IQGAP3: variants seen among roughly 807,000 people sequenced by gnomAD.
IQGAP3 encodes ras GTPase-activating-like protein IQGAP3.
A neutral mutation model predicts 208.2 loss-of-function variants in IQGAP3; 165 were observed. That is an observed-to-expected ratio of 0.79 (90% CI 0.70 to 0.90). IQGAP3 has a LOEUF of 0.90. Ranked by LOEUF, IQGAP3 falls within the 40% of genes least tolerant of loss-of-function variation. The pLI is 0.00. For missense variants in IQGAP3, 1,811 were observed against 2,043.1 expected (o/e 0.89, Z 2.19); for synonymous variants, 703 against 803.6 (o/e 0.87, Z 2.12).
intron 31 of IQGAP3, among the ~76,000 whole-genome samples, 191 bp downstream of exon 31, chr1:156,533,582 A>G (rs1674529022): frequency 6.6e-6 from 1 of 152,016 alleles, no homozygotes; most frequent in South Asian, 2.1e-4. Flanking sequence ...GGGTCCCTCT[A>G]CTGTCTGTCT....
intron 3 of IQGAP3, 75 bp downstream of exon 3, chr1:156,566,315 C>A (rs770160833): frequency 2.0e-6 from 3 of 1,471,834 alleles, no homozygotes; most frequent in Non-Finnish European, 2.8e-6. Flanking sequence ...TATATGGTCA[C>A]TCTACCCTCA....
In IQGAP3 at chr1:156,525,558, G is replaced by A. The variant is rs1030285303; in HGVS notation, c.*928C>T. The A allele has an allele frequency of 2.0e-5, 3 of 152,254 alleles. No homozygotes were observed. The highest frequency in any genetic ancestry group is 7.3e-5 in the African/African-American group (3 of 41,294). 9.4% of individuals were successfully genotyped at this position (152,254 alleles called of 1,614,324 possible). A position where few individuals can be genotyped will look rare whatever the true frequency, so the allele number is the denominator to read the frequency against. ...AGCTGTAAGGGATGAGAATCCTGAG[G>A]GTAAAAGAGAAAAGGGAAAGACTCC... On this transcript the variant is annotated 3_prime_UTR_variant, in exon 38 of 38. Transcript: ENST00000361170.
chr1:156,548,840 G>A, intron 16 of IQGAP3, 92 bp from the exon 17 acceptor site: 2 of 1,294,218 alleles, frequency 1.5e-6, no homozygotes, highest in Non-Finnish European at 2.0e-6. Context: ...TTCCATGAAA[G>A]AGGACACAAA....
In IQGAP3 at chr1:156,566,503, C is replaced by A. The variant is rs752990347; in HGVS notation, c.169G>T (p.Glu57Ter). The A allele has an allele frequency of 6.2e-7, 1 of 1,614,180 alleles. No homozygotes were observed. The highest frequency in any genetic ancestry group is 1.1e-5 in the South Asian group (1 of 91,078). The change falls in exon 3 of 38, where the codon GAG (glutamate) becomes TAG (stop). Residue 57 changes from glutamate (E) to a stop codon, truncating the protein, a stop_gained. Transcript: ENST00000361170. LOFTEE classifies it high-confidence loss of function. ...CCATTCCGAAGGCTCTCCTCCAGCT[C>A]CACCGGGGAAGGAAGCTCCTCCTTC... is the stretch of plus-strand genomic sequence containing the variant. ...CLKEELPSPV[E>*]LEESLRNGVL...
intron 19 of IQGAP3, among the ~76,000 whole-genome samples, chr1:156,547,372 C>G (rs1391859906): frequency 3.0e-5 from 4 of 135,066 alleles, no homozygotes; most frequent in African/African-American, 8.3e-5. Context: ...CACAGACACA[C>G]AGACACAGAC....
intron 26 of IQGAP3, 103 bp from the exon 27 acceptor site, chr1:156,537,424 C>T (rs917614488): frequency 1.4e-5 from 17 of 1,174,832 alleles, no homozygotes; most frequent in Admixed American, 1.1e-4. Flanking sequence ...AGATCTCATA[C>T]AGATGTGCTA....
chr1:156,563,957 C>T (rs1676285769), intron 5 of IQGAP3, 133 bp from the exon 6 acceptor site: 1 of 656,542 alleles, frequency 1.5e-6, no homozygotes, highest in African/African-American at 1.8e-5. Context: ...CAAGTCATCC[C>T]CAACCCACAT....
chr1:156,568,139 A>T (rs1478496234), intron 2 of IQGAP3, among the ~76,000 whole-genome samples: 1 of 152,220 alleles, frequency 6.6e-6, no homozygotes, highest in Non-Finnish European at 1.5e-5. Flanking sequence ...ATTGCAGTAT[A>T]TAAGGGGTAA....
chr1:156,531,376 G>A (rs1674394481), intron 32 of IQGAP3, 129 bp from the exon 33 acceptor site: 1 of 709,556 alleles, frequency 1.4e-6, no homozygotes. Flanking sequence ...TAAGGAGAGA[G>A]AGCGAGGGAT....
At chr1:156,534,248 G>A in intron 29 of IQGAP3, 107 bp from the exon 30 acceptor site, 1 of 1,528,426 alleles carries the variant, frequency 6.5e-7, no homozygotes, top group Non-Finnish European at 8.9e-7. Context: ...AGGCCAATTT[G>A]GACTCTCCAG....
intron 18 of IQGAP3, 35 bp from the exon 19 acceptor site, chr1:156,548,278 G>A (rs1451111043): frequency 6.2e-7 from 1 of 1,609,076 alleles, no homozygotes; most frequent in Non-Finnish European, 8.5e-7. Flanking sequence ...GTGGTCTTTT[G>A]GGGAGTGGGA....
At position 156,562,481 on chromosome 1, in the gene IQGAP3, T is replaced by A. The variant is rs1323797324; in HGVS notation, c.877+106A>T. On this transcript the variant is annotated intron_variant, in intron 9 of 37. Transcript: ENST00000361170. Reference sequence around the variant, plus strand: ...TCTCCGAGGCAAGAGTTGGCCCAAATGAGACCATAGGGCTTTCTGGCTTGA... The same window carrying A: ...TCTCCGAGGCAAGAGTTGGCCCAAAAGAGACCATAGGGCTTTCTGGCTTGA... 9 of 902,884 alleles carry A rather than the reference T, an allele frequency of 1.0e-5. No homozygotes were observed. In the Admixed American group the frequency reaches 1.6e-4, roughly 16 times the overall value. 55.9% of individuals were successfully genotyped at this position (902,884 alleles called of 1,614,324 possible). A position where few individuals can be genotyped will look rare whatever the true frequency, so the allele number is the denominator to read the frequency against.
chr1:156,563,366 A>G, intron 7 of IQGAP3, 54 bp from the exon 8 acceptor site: 1 of 1,524,292 alleles, frequency 6.6e-7, no homozygotes, highest in Non-Finnish European at 8.9e-7. Context: ...CCCAGATTGG[A>G]GCGCAACCAG....
At position 156,530,275 on chromosome 1, in the gene IQGAP3, T is replaced by C; in HGVS notation, c.4234A>G (p.Thr1412Ala). Residue 1412 changes from threonine (T) to alanine (A), a missense_variant, in exon 34 of 38, where the codon ACA becomes GCA. Thr to Ala is a moderately conservative substitution (Grantham distance 58). Coordinates refer to ENST00000361170, the MANE Select transcript of IQGAP3 (RefSeq NM_178229.5). ...CGCAGTGGCTCCGGTGTCTGGGCTG[T>C]ACAGGCCTGGCGTCGGCTCATCAGC... ...KQLMSRRQAC[T>A]AQTPEPLRRH... 2 of 1,611,984 alleles carry C rather than the reference T, an allele frequency of 1.2e-6. No homozygotes were observed. Among genetic ancestry groups the C allele is most frequent in the East Asian group, 4.5e-5 (2 of 44,876 alleles).
rs1674631756 is a variant in IQGAP3 at position 156,535,160 on chromosome 1, T to G, written c.3507+3A>C. 6.2e-7 allele frequency: 1 copy of G among 1,610,622 alleles called. No individual in the cohort carries two copies. The highest frequency in any genetic ancestry group is 1.1e-5 in the South Asian group (1 of 90,986). On this transcript the variant is annotated splice_donor_region_variant and intron_variant, in intron 28 of 37. Transcript: ENST00000361170. ...GAGGTGGGGGTGGGGAGACAACACTTGCCTTATAGACCTCGCTGTCTGTGG... is the reference window on the plus strand; with the variant it reads ...GAGGTGGGGGTGGGGAGACAACACTGGCCTTATAGACCTCGCTGTCTGTGG...
intron 27 of IQGAP3, 176 bp downstream of exon 27, chr1:156,537,005 T>C: frequency 1.6e-6 from 1 of 610,674 alleles, no homozygotes; most frequent in Non-Finnish European, 2.7e-6. Context: ...AGCTCAGCTC[T>C]CTAGCAGGAG....
rs139934499 is a variant in IQGAP3 at position 156,563,644 on chromosome 1, C to A, written c.528G>T (p.Ala176=). Residue 176 remains alanine, a synonymous_variant, in exon 7 of 38, where the codon GCG becomes GCT. Transcript: ENST00000361170. ...KFTAEELSNM[A]SELAKYGLQL... ...GGAGGCCATATTTGGCCAGTTCGGA[C>A]GCCATGTTGCTGAGTTCCTCAGCTG... 6.2e-7 allele frequency: 1 copy of A among 1,613,158 alleles called. No homozygotes were observed. Among genetic ancestry groups the A allele is most frequent in the East Asian group, 2.2e-5 (1 of 44,828 alleles).
intron 10 of IQGAP3, among the ~76,000 whole-genome samples, chr1:156,561,476 C>T (rs1364858500): frequency 6.6e-6 from 1 of 152,078 alleles, no homozygotes; most frequent in Non-Finnish European, 1.5e-5. Flanking sequence ...CCTATTAACT[C>T]ATCTTTAATC....
rs1557922802 is a variant in IQGAP3 at position 156,537,170 on chromosome 1, G to T, written c.3422+11C>A. On this transcript the variant is annotated intron_variant, in intron 27 of 37. Transcript: ENST00000361170. Reference sequence around the variant, plus strand: ...CCCATGCGTAGGCTGGGGTGGGGCTGTTGCACATACGGAATTTGGTCCACA... The same window carrying T: ...CCCATGCGTAGGCTGGGGTGGGGCTTTTGCACATACGGAATTTGGTCCACA... The T allele has an allele frequency of 6.2e-7, 1 of 1,611,524 alleles. No individual in the cohort carries two copies. The highest frequency in any genetic ancestry group is 1.7e-5 in the Admixed American group (1 of 59,822).
Sources: allele counts gnomAD v4.1 joint callset (sites outside exome capture counted in the v4.1 genomes callset), GRCh38; gene constraint gnomAD v4.1.1; transcripts MANE v1.5; gene names NCBI Gene and HGNC (gene_info 2026-07-23, HGNC 2026-07-21).